Variants in IQCM observed in about 807,000 individuals in gnomAD.
IQCM encodes IQ motif containing M, also known as IQ domain-containing protein M.
A neutral mutation model predicts 57.6 loss-of-function variants in IQCM; 45 were observed. That is an observed-to-expected ratio of 0.78 (90% CI 0.62 to 1.00). The LOEUF is 1.00. IQCM is among the 50% of genes least tolerant of loss of function. The pLI is 0.00. For missense variants in IQCM, 468 were observed against 511.6 expected (o/e 0.91, Z 0.82); for synonymous variants, 148 against 158.9 (o/e 0.93, Z 0.51).
intron 2 of IQCM, among the ~76,000 whole-genome samples, chr4:149,767,599 T>C (rs145463652): frequency 1.3e-5 from 2 of 152,196 alleles, no homozygotes; most frequent in Non-Finnish European, 2.9e-5. Context: ...TGGAGGATAA[T>C]ATTTCCTGAA....
chr4:149,513,336 T>C (rs1318174308), intron 12 of IQCM, among the ~76,000 whole-genome samples: 2 of 152,160 alleles, frequency 1.3e-5, no homozygotes, highest in African/African-American at 2.4e-5. Context: ...CTTGTCAACT[T>C]AGCTTTAAGG....
intron 13 of IQCM, among the ~76,000 whole-genome samples, chr4:149,432,432 A>C (rs976429432): frequency 6.6e-5 from 10 of 152,000 alleles, no homozygotes; most frequent in African/African-American, 2.4e-4. Flanking sequence ...TCTGTTGGAA[A>C]GTTTGTGATA....
chr4:149,693,242 T>C (rs1016056302), intron 5 of IQCM, among the ~76,000 whole-genome samples: 1 of 152,198 alleles, frequency 6.6e-6, no homozygotes, highest in African/African-American at 2.4e-5. Context: ...CCCAAAGCTA[T>C]TTCTTTCCTT....
chr4:149,484,350 G>GT (rs768610336), intron 12 of IQCM, among the ~76,000 whole-genome samples: 1 of 151,706 alleles, frequency 6.6e-6, no homozygotes, highest in Non-Finnish European at 1.5e-5. Context: ...TTTGTTATTT[G>GT]TTTTTTAGGT....
At chr4:149,703,845 G>C (rs1763950891) in intron 5 of IQCM, among the ~76,000 whole-genome samples, 1 of 151,876 alleles carries the variant, frequency 6.6e-6, no homozygotes, top group South Asian at 2.1e-4. Context: ...CCCAAAAACT[G>C]TTAGAACAGT....
intron 12 of IQCM, among the ~76,000 whole-genome samples, chr4:149,497,318 A>G (rs1742759514): frequency 6.6e-6 from 1 of 151,950 alleles, no homozygotes. Flanking sequence ...AAATTAATCC[A>G]TTTCCTCTCC....
intron 13 of IQCM, among the ~76,000 whole-genome samples, chr4:149,390,010 A>C (rs529131447): frequency 2.0e-5 from 3 of 151,992 alleles, no homozygotes; most frequent in Non-Finnish European, 4.4e-5. Flanking sequence ...AGAAAAAAAA[A>C]CTTAGATTTT....
At position 149,354,068 on chromosome 4, in the gene IQCM, T is replaced by A. The variant is rs553245775; in HGVS notation, c.1391-2002A>T. ...AACATACAAAATAAAACTTATTTTT[T>A]AAAACTGACAAATTGGCCAGGCGCG... On this transcript the variant is annotated intron_variant, in intron 13 of 13. Transcript: ENST00000636793. 9.2e-5 allele frequency among the ~76,000 whole-genome samples: 14 copies of A among 152,266 alleles called. No homozygotes were observed. The East Asian group carries it at 2.1e-3, about 23-fold the overall frequency.
intron 2 of IQCM, among the ~76,000 whole-genome samples, chr4:149,777,985 GA>G: frequency 6.6e-6 from 1 of 152,244 alleles, no homozygotes; most frequent in African/African-American, 2.4e-5. Flanking sequence ...TGAAGAACAG[GA>G]AAATCTCCAA....
chr4:149,356,901 T>A (rs1729036375), intron 13 of IQCM, among the ~76,000 whole-genome samples: 1 of 152,214 alleles, frequency 6.6e-6, no homozygotes, highest in South Asian at 2.1e-4. Context: ...TCCATTTCTT[T>A]GTATCCTCTT....
intron 11 of IQCM, 42 bp from the exon 12 acceptor site, chr4:149,548,631 A>G: frequency 9.9e-7 from 1 of 1,007,512 alleles, no homozygotes; most frequent in Non-Finnish European, 1.3e-6. Context: ...TTTTTAAACA[A>G]TACATCAAGT....
intron 13 of IQCM, among the ~76,000 whole-genome samples, chr4:149,353,075 AAG>A (rs1328829848): frequency 1.3e-5 from 2 of 152,182 alleles, no homozygotes; most frequent in Non-Finnish European, 2.9e-5. Flanking sequence ...TTATTTGACA[AAG>A]AGCAAGGCCT....
intron 2 of IQCM, among the ~76,000 whole-genome samples, chr4:149,754,363 C>T (rs557528899): frequency 6.6e-6 from 1 of 152,192 alleles, no homozygotes; most frequent in Admixed American, 6.5e-5. Context: ...TCAATTTCTC[C>T]CTCTGACAAT....
intron 13 of IQCM, among the ~76,000 whole-genome samples, chr4:149,386,439 C>T (rs1731431876): frequency 6.6e-6 from 1 of 151,974 alleles, no homozygotes; most frequent in South Asian, 2.1e-4. Context: ...ATTTTAGAGG[C>T]AATCCTAAAT....
chr4:149,370,832 C>G (rs1730317257), intron 13 of IQCM, among the ~76,000 whole-genome samples: 1 of 150,588 alleles, frequency 6.6e-6, no homozygotes, highest in South Asian at 2.1e-4. Flanking sequence ...CCCTACTCCT[C>G]CACCTACACA....
chr4:149,410,623 A>T (rs1214291573), intron 13 of IQCM, among the ~76,000 whole-genome samples: 1 of 151,944 alleles, frequency 6.6e-6, no homozygotes, highest in Non-Finnish European at 1.5e-5. Flanking sequence ...AGTAGCATTC[A>T]CATTGTCACA....
Position 149,636,431 on chromosome 4 carries a change from G to C in IQCM, c.566-15187C>G, listed in dbSNP as rs192091295. Among the ~76,000 whole-genome samples, 276 of 152,240 alleles carry C rather than the reference G, an allele frequency of 1.8e-3. 1 individual carries two copies. Among genetic ancestry groups the C allele is most frequent in the African/African-American group, 6.4e-3 (266 of 41,526 alleles). ...TGGCAACAAGAAAGACTGGTGGCAGGAGAGGAGACCTAAGAGAGACCTCCT... is the reference window on the plus strand; with the variant it reads ...TGGCAACAAGAAAGACTGGTGGCAGCAGAGGAGACCTAAGAGAGACCTCCT... On this transcript the variant is annotated intron_variant, in intron 7 of 13. Coordinates refer to ENST00000636793, the MANE Select transcript of IQCM (RefSeq NM_001363507.2).
chr4:149,522,714 T>C (rs950721784), intron 12 of IQCM, among the ~76,000 whole-genome samples: 3 of 151,932 alleles, frequency 2.0e-5, no homozygotes, highest in African/African-American at 7.2e-5. Context: ...TGAGGTTTTA[T>C]AAGAAAAAAG....
chr4:149,736,156 C>A (rs928431115), intron 3 of IQCM, among the ~76,000 whole-genome samples: 4 of 150,292 alleles, frequency 2.7e-5, no homozygotes, highest in Non-Finnish European at 4.4e-5. Flanking sequence ...CCATGCTGCC[C>A]AGGCTGGTCT....
Sources: gnomAD v4.1 joint callset for allele counts (sites outside exome capture counted in the v4.1 genomes callset) on GRCh38, gnomAD v4.1.1 for gene constraint, MANE v1.5 for transcripts, NCBI Gene and HGNC (gene_info 2026-07-23, HGNC 2026-07-21) for gene names.